Variants in PCDHGA3 observed in about 807,000 individuals in gnomAD.
The protein encoded by PCDHGA3 is protocadherin gamma subfamily A, 3.
PCDHGA3 carries 40 observed loss-of-function variants against 58.5 expected under a neutral mutation model. That is an observed-to-expected ratio of 0.68 (90% CI 0.53 to 0.89). The LOEUF (loss-of-function observed/expected upper bound fraction) is 0.89. PCDHGA3 is among the 40% of genes least tolerant of loss of function. The pLI is 0.00. For missense variants in PCDHGA3, 1,223 were observed against 1,195.9 expected (o/e 1.02, Z -0.33); for synonymous variants, 530 against 525.7 (o/e 1.01, Z -0.11).
intron 1 of PCDHGA3, chr5:141,415,469 C>T (rs1247738517): frequency 1.9e-6 from 3 of 1,614,208 alleles, no homozygotes; most frequent in South Asian, 2.2e-5. Flanking sequence ...TCTCTCACCG[C>T]GGACTCGCGA....
intron 1 of PCDHGA3, chr5:141,398,937 C>T (rs2093727338): frequency 1.9e-6 from 3 of 1,613,902 alleles, no homozygotes; most frequent in Non-Finnish European, 2.5e-6. Flanking sequence ...CTGACCAAGA[C>T]GAGGGCATCA....
chr5:141,490,322 A>C lies in PCDHGA3; in HGVS notation c.2425-4485A>C. ...GCCTCTTTGGCCAACCCTGTCCTAGAGAGCACACCAGTGGGCACAGTAGTG... is the reference window on the plus strand; with the variant it reads ...GCCTCTTTGGCCAACCCTGTCCTAGCGAGCACACCAGTGGGCACAGTAGTG... On this transcript the variant is annotated intron_variant, in intron 1 of 3. Coordinates refer to ENST00000253812, the MANE Select transcript of PCDHGA3 (RefSeq NM_018916.4). This position sits in a 1 kb window ranked among gnomAD's most constrained non-coding sequence, Gnocchi z 5.4. The C allele has an allele frequency of 6.2e-7, 1 of 1,614,232 alleles. No individual in the cohort carries two copies. Among genetic ancestry groups the C allele is most frequent in the Non-Finnish European group, 8.5e-7 (1 of 1,180,038 alleles).
chr5:141,355,168 C>G (rs767745541), intron 1 of PCDHGA3: 2 of 1,568,276 alleles, frequency 1.3e-6, no homozygotes, highest in Admixed American at 1.8e-5. Flanking sequence ...AGAGGGAAAA[C>G]CGAAGCACAG....
intron 1 of PCDHGA3, chr5:141,351,810 A>C: frequency 6.2e-7 from 1 of 1,613,260 alleles, no homozygotes; most frequent in Non-Finnish European, 8.5e-7. Flanking sequence ...CGCGCCTTCG[A>C]CCACGAGCAG....
chr5:141,423,085 G>A, intron 1 of PCDHGA3: 1 of 1,614,072 alleles, frequency 6.2e-7, no homozygotes, highest in Non-Finnish European at 8.5e-7. Flanking sequence ...ACTCTTCGCG[G>A]TGGGGGAGCA....
In PCDHGA3 at chr5:141,487,472, G is replaced by A. The variant is rs2099645737; in HGVS notation, c.2425-7335G>A. The A allele has an allele frequency of 2.5e-6, 4 of 1,614,178 alleles. No individual in the cohort carries two copies. Among genetic ancestry groups the A allele is most frequent in the Non-Finnish European group, 3.4e-6 (4 of 1,180,036 alleles). Reference sequence around the variant, plus strand: ...CCCTATCAAGTTTGTTGATGTGGGAGGCCACTCTCATGGCTGTACACCCTT... The same window carrying A: ...CCCTATCAAGTTTGTTGATGTGGGAAGCCACTCTCATGGCTGTACACCCTT... On this transcript the variant is annotated intron_variant, in intron 1 of 3. Coordinates refer to ENST00000253812, the MANE Select transcript of PCDHGA3 (RefSeq NM_018916.4). This position sits in a 1 kb window ranked among gnomAD's most constrained non-coding sequence, Gnocchi z 5.0.
chr5:141,358,683 C>T (rs1760990100), intron 1 of PCDHGA3, among the ~76,000 whole-genome samples: 1 of 152,122 alleles, frequency 6.6e-6, no homozygotes, highest in Non-Finnish European at 1.5e-5. Context: ...AATTGCTTAT[C>T]ATGACATCAC....
rs1344329529 is a variant in PCDHGA3, at chr5:141,456,847, C to T, written c.2425-37960C>T. Among the ~76,000 whole-genome samples the T allele has an allele frequency of 2.0e-5, 3 of 152,084 alleles. No homozygotes were observed. The East Asian group carries it at 5.8e-4, about 29-fold the overall frequency. ...TCGTGGTAGTGGGCGCCTGTAATCC[C>T]AGCTAATTGGGAGGCTGAGGCAGGA... On this transcript the variant is annotated intron_variant, in intron 1 of 3. Transcript: ENST00000253812.
At position 141,494,704 on chromosome 5, in the gene PCDHGA3, T is replaced by C. The variant is rs2099756232; in HGVS notation, c.2425-103T>C. Reference sequence around the variant, plus strand: ...CCCCCTCTTAGTCCGTTTTCTTCTCTGTGCCCACTCCCCTCCTTCTCTCCC... The same window carrying C: ...CCCCCTCTTAGTCCGTTTTCTTCTCCGTGCCCACTCCCCTCCTTCTCTCCC... On this transcript the variant is annotated intron_variant, in intron 1 of 3. Transcript: ENST00000253812. The C allele has an allele frequency of 3.1e-6, 5 of 1,597,570 alleles. No individual in the cohort carries two copies. The Admixed American group carries it at 8.5e-5, about 27-fold the overall frequency.
chr5:141,357,306 C>A (rs761493933), intron 1 of PCDHGA3: 4 of 1,614,076 alleles, frequency 2.5e-6, no homozygotes, highest in South Asian at 1.1e-5. Context: ...CTGTCTCCTG[C>A]GTCTTCCTGG....
At chr5:141,389,813 C>T (rs575968401) in intron 1 of PCDHGA3, 18 of 1,613,844 alleles carry the variant, frequency 1.1e-5, no homozygotes, top group South Asian at 2.2e-5. Flanking sequence ...TTCTGGTCGC[C>T]GTGCGTGACG....
intron 1 of PCDHGA3, chr5:141,426,967 T>G (rs151241654): frequency 2.2e-6 from 1 of 456,702 alleles, no homozygotes; most frequent in East Asian, 6.9e-5. Context: ...GCAATTCAAA[T>G]TGAGGTCACT....
intron 1 of PCDHGA3, chr5:141,384,777 G>A: frequency 1.2e-6 from 2 of 1,613,860 alleles, no homozygotes; most frequent in Non-Finnish European, 1.7e-6. Context: ...CGGGCGAGGT[G>A]CGCACGGCTC....
In PCDHGA3 at chr5:141,486,718, A is replaced by G; in HGVS notation, c.2425-8089A>G. 6.2e-7 allele frequency: 1 copy of G among 1,614,106 alleles called. No individual in the cohort carries two copies. The highest frequency in any genetic ancestry group is 1.7e-5 in the Admixed American group (1 of 60,022). On this transcript the variant is annotated intron_variant, in intron 1 of 3. Coordinates refer to ENST00000253812, the MANE Select transcript of PCDHGA3 (RefSeq NM_018916.4). This position sits in a 1 kb window ranked among gnomAD's most constrained non-coding sequence, Gnocchi z 5.0. Reference sequence around the variant, plus strand: ...TCATCTCTCTGAACCCCCAGACAGGAGCTGTTCATGCTACTCGATCCTTTG... The same window carrying G: ...TCATCTCTCTGAACCCCCAGACAGGGGCTGTTCATGCTACTCGATCCTTTG...
Position 141,418,737 on chromosome 5 carries a change from C to T in PCDHGA3, c.2424+72280C>T, listed in dbSNP as rs768683069. 7.4e-6 allele frequency: 12 copies of T among 1,613,960 alleles called. No homozygotes were observed. The South Asian group carries it at 1.3e-4, about 18-fold the overall frequency. ...GCTGACAAAGCTCAGCACGTGTTCT[C>T]TCTGGATTACACTACAGGAAACATT... On this transcript the variant is annotated intron_variant, in intron 1 of 3. Coordinates refer to ENST00000253812, the MANE Select transcript of PCDHGA3 (RefSeq NM_018916.4).
At chr5:141,494,733 C>G in intron 1 of PCDHGA3, 74 bp from the exon 2 acceptor site, 1 of 1,610,826 alleles carries the variant, frequency 6.2e-7, no homozygotes, top group South Asian at 1.1e-5. Flanking sequence ...CTCTCCCGGC[C>G]CATCCCTAGG....
chr5:141,460,333 G>A (rs2098986532), intron 1 of PCDHGA3, among the ~76,000 whole-genome samples: 1 of 152,056 alleles, frequency 6.6e-6, no homozygotes, highest in African/African-American at 2.4e-5. Context: ...AACTTATGAT[G>A]ATTTTCTCCT....
chr5:141,399,138 T>C (rs757310717), intron 1 of PCDHGA3: 3 of 1,613,774 alleles, frequency 1.9e-6, no homozygotes, highest in Non-Finnish European at 2.5e-6. Context: ...AAGATGAAAA[T>C]GACAATAGCC....
chr5:141,414,023 A>G lies in PCDHGA3; in HGVS notation c.2424+67566A>G, dbSNP rs746044242. 5 of 1,612,692 alleles carry G rather than the reference A, an allele frequency of 3.1e-6. No homozygotes were observed. The highest frequency in any genetic ancestry group is 2.2e-5 in the East Asian group (1 of 44,836). ...GAAGGTGCCAATGGAGAAGTGACAT[A>G]TTCATTCCGAAAATTACCTGACACG... On this transcript the variant is annotated intron_variant, in intron 1 of 3. Transcript: ENST00000253812.
Sources: gnomAD v4.1 joint callset for allele counts (sites outside exome capture counted in the v4.1 genomes callset) on GRCh38, gnomAD v4.1.1 for gene constraint, Gnocchi (gnomAD v3.1) non-coding constraint, MANE v1.5 for transcripts, NCBI Gene and HGNC (gene_info 2026-07-23, HGNC 2026-07-21) for gene names.